The following TASP1 variants were observed in gnomAD, a reference collection of about 807,000 sequenced individuals.
The protein encoded by TASP1 is threonine aspartase 1.
A neutral mutation model predicts 56.6 loss-of-function variants in TASP1; 16 were observed. The ratio of observed to expected loss-of-function variants is 0.28; its 90% CI spans 0.19 to 0.43. TASP1 has a LOEUF of 0.43. Among genes scored for constraint, TASP1 ranks in the 20% least tolerant of loss-of-function variants. The pLI is 1.00. For synonymous variants in TASP1, 179 were observed against 184.2 expected (o/e 0.97, Z 0.23); for missense variants, 393 against 511.6 (o/e 0.77, Z 2.24).
the TASP1 span, among the ~76,000 whole-genome samples, chr20:13,381,317 T>C: frequency 6.6e-6 from 1 of 152,160 alleles, no homozygotes; most frequent in African/African-American, 2.4e-5. Flanking sequence ...CAGCTTCCCT[T>C]GGCTAGGGAA....
At chr20:13,428,417 A>C (rs2042690671) in intron 12 of TASP1, among the ~76,000 whole-genome samples, 1 of 152,206 alleles carries the variant, frequency 6.6e-6, no homozygotes, top group Non-Finnish European at 1.5e-5. Flanking sequence ...TCCATTTATT[A>C]ACCATACTAT....
At chr20:13,518,966 A>G (rs1445190317) in intron 10 of TASP1, among the ~76,000 whole-genome samples, 1 of 152,180 alleles carries the variant, frequency 6.6e-6, no homozygotes, top group Non-Finnish European at 1.5e-5. Context: ...AAAATGTGGT[A>G]CATATACACC....
At chr20:13,296,507 G>C in the TASP1 span, among the ~76,000 whole-genome samples, 4 of 152,220 alleles carry the variant, frequency 2.6e-5, no homozygotes, top group Non-Finnish European at 5.9e-5. Flanking sequence ...AGCATCTCAA[G>C]GTTAGGCAAG....
chr20:13,242,874 T>C, the TASP1 span, among the ~76,000 whole-genome samples: 1 of 152,228 alleles, frequency 6.6e-6, no homozygotes, highest in Non-Finnish European at 1.5e-5. Flanking sequence ...TACTTGTTTT[T>C]GTCATATACT....
downstream of TASP1, among the ~76,000 whole-genome samples, chr20:13,389,212 G>T (rs911367021): frequency 1.3e-5 from 2 of 152,206 alleles, no homozygotes; most frequent in Non-Finnish European, 2.9e-5. Context: ...AATTGCAAGA[G>T]AAATTTTAGG....
chr20:13,521,445 T>TA (rs1352214795), intron 10 of TASP1, among the ~76,000 whole-genome samples: 2 of 152,062 alleles, frequency 1.3e-5, no homozygotes, highest in African/African-American at 2.4e-5. Flanking sequence ...TATGCAGCCA[T>TA]AAAAAAGGAT....
the TASP1 span, among the ~76,000 whole-genome samples, chr20:13,321,029 T>C: frequency 6.6e-6 from 1 of 151,782 alleles, no homozygotes; most frequent in African/African-American, 2.4e-5. Flanking sequence ...TGGAACCCTG[T>C]CTCTACTGAA....
chr20:13,566,646 A>C (rs1488399624), intron 7 of TASP1, among the ~76,000 whole-genome samples: 1 of 152,206 alleles, frequency 6.6e-6, no homozygotes, highest in Non-Finnish European at 1.5e-5. Flanking sequence ...CAAATGTAAA[A>C]TATATTAGTG....
chr20:13,253,381 G>T, the TASP1 span, among the ~76,000 whole-genome samples: 28,744 of 152,128 alleles, frequency 0.19, 2,823 homozygotes, highest in East Asian at 0.25. Context: ...CTGGATGGGA[G>T]GCCTTGGAGC....
downstream of TASP1, among the ~76,000 whole-genome samples, chr20:13,385,881 G>C (rs1204065784): frequency 6.6e-6 from 1 of 152,194 alleles, no homozygotes; most frequent in Non-Finnish European, 1.5e-5. Flanking sequence ...TGATTCCCTG[G>C]CACTTGTGGC....
the TASP1 span, among the ~76,000 whole-genome samples, chr20:13,352,447 C>CAAAA: frequency 8.7e-4 from 74 of 85,386 alleles, 1 homozygote; most frequent in Admixed American, 1.9e-3. Context: ...AAGACTGTCT[C>CAAAA]AAAAAAAAAA....
the TASP1 span, among the ~76,000 whole-genome samples, chr20:13,122,175 C>G: frequency 6.6e-6 from 1 of 152,220 alleles, no homozygotes; most frequent in African/African-American, 2.4e-5. Context: ...AGCAGGCCAC[C>G]ACTAGGTATC....
At chr20:13,430,338 T>C (rs201830695) in intron 12 of TASP1, among the ~76,000 whole-genome samples, 55 of 152,334 alleles carry the variant, frequency 3.6e-4, no homozygotes, top group African/African-American at 1.2e-3. Context: ...GGTGGCTTCA[T>C]TGGGTGGTTC....
intron 12 of TASP1, among the ~76,000 whole-genome samples, chr20:13,421,328 GC>G (rs2042427122): frequency 6.6e-6 from 1 of 151,834 alleles, no homozygotes; most frequent in South Asian, 2.1e-4. Flanking sequence ...GCCCACCTCA[GC>G]TTTTCAAAGT....
rs182416582 is a variant in TASP1 at position 13,434,623 on chromosome 20, G to A, written c.1096+421C>T. Reference sequence around the variant, plus strand: ...GAAGGTGTCATGGTTAACGAGCCACGGAGCCAGGACTGACCTCTAAGGCCA... The same window carrying A: ...GAAGGTGTCATGGTTAACGAGCCACAGAGCCAGGACTGACCTCTAAGGCCA... On this transcript the variant is annotated intron_variant, in intron 12 of 13. Transcript: ENST00000337743. Among the ~76,000 whole-genome samples the A allele has an allele frequency of 4.3e-4, 65 of 152,242 alleles. 1 individual carries two copies. The highest frequency in any genetic ancestry group is 1.4e-3 in the African/African-American group (60 of 41,544).
At chr20:13,525,102 T>G (rs2044922296) in intron 10 of TASP1, among the ~76,000 whole-genome samples, 1 of 152,108 alleles carries the variant, frequency 6.6e-6, no homozygotes, top group South Asian at 2.1e-4. Context: ...TTGACAGTCT[T>G]TTGTTTCCTT....
chr20:13,528,266 A>C (rs1394855779), intron 10 of TASP1, among the ~76,000 whole-genome samples, 167 bp downstream of exon 10: 3 of 150,890 alleles, frequency 2.0e-5, no homozygotes, highest in Admixed American at 6.6e-5. Context: ...CAAAGTATTT[A>C]CACTGATACT....
At chr20:13,444,397 T>A (rs956943131) in intron 11 of TASP1, among the ~76,000 whole-genome samples, 23 of 152,176 alleles carry the variant, frequency 1.5e-4, no homozygotes, top group African/African-American at 5.5e-4. Flanking sequence ...ATCACTTGAA[T>A]GCCATTCTCT....
intron 4 of TASP1, among the ~76,000 whole-genome samples, chr20:13,615,229 G>A (rs917407484): frequency 1.3e-5 from 2 of 152,150 alleles, no homozygotes; most frequent in African/African-American, 4.8e-5. Flanking sequence ...ATGTGTTATA[G>A]TGTTGATGTC....
Sources: allele counts gnomAD v4.1 joint callset (sites outside exome capture counted in the v4.1 genomes callset), GRCh38; gene constraint gnomAD v4.1.1; transcripts MANE v1.5; gene names NCBI Gene and HGNC (gene_info 2026-07-23, HGNC 2026-07-21).